The following CAST variants were observed in gnomAD, a reference collection of about 807,000 sequenced individuals.
CAST encodes the protein MIR583 host.
CAST carries 76 observed loss-of-function variants against 119.6 expected under a neutral mutation model. That is an observed-to-expected ratio of 0.64 (90% CI 0.53 to 0.77). The LOEUF (loss-of-function observed/expected upper bound fraction) is 0.77. Among genes scored for constraint, CAST ranks in the 30% least tolerant of loss-of-function variants. The pLI, the probability that CAST is intolerant of heterozygous loss-of-function variation, is 0.00. For synonymous variants in CAST, 319 were observed against 331.6 expected (o/e 0.96, Z 0.41); for missense variants, 953 against 946.5 (o/e 1.01, Z -0.09).
intron 15 of CAST, 23 bp downstream of exon 15, chr5:96,741,603 A>G (rs376948795): frequency 3.3e-6 from 5 of 1,534,126 alleles, no homozygotes; most frequent in African/African-American, 1.4e-5. Flanking sequence ...TCTACCTGAC[A>G]GCAGTTGCTT....
chr5:96,079,759 T>C, the CAST span, among the ~76,000 whole-genome samples: 6 of 152,208 alleles, frequency 3.9e-5, no homozygotes, highest in African/African-American at 1.4e-4. Flanking sequence ...TATATACATC[T>C]TGGTTATTAT....
chr5:96,456,709 G>C, the CAST span, among the ~76,000 whole-genome samples: 1 of 152,176 alleles, frequency 6.6e-6, no homozygotes, highest in African/African-American at 2.4e-5. Flanking sequence ...TCTCATGAGG[G>C]ATCTAGAGAG....
At chr5:95,969,099 T>C in the CAST span, among the ~76,000 whole-genome samples, 1 of 152,094 alleles carries the variant, frequency 6.6e-6, no homozygotes, top group Non-Finnish European at 1.5e-5. Flanking sequence ...TATCATACGG[T>C]GTTTTGGGGG....
chr5:96,334,183 A>C, the CAST span, among the ~76,000 whole-genome samples: 1 of 152,136 alleles, frequency 6.6e-6, no homozygotes, highest in African/African-American at 2.4e-5. Context: ...CTCCCTCCAG[A>C]GTGTGGCAAG....
chr5:96,466,219 T>C, the CAST span, among the ~76,000 whole-genome samples: 797 of 152,244 alleles, frequency 5.2e-3, 7 homozygotes, highest in African/African-American at 0.018. Flanking sequence ...CAAAGTTACT[T>C]AGCTTTGTCC....
intron 1 of CAST, among the ~76,000 whole-genome samples, chr5:96,548,320 C>T (rs890408879): frequency 1.3e-5 from 2 of 152,144 alleles, no homozygotes; most frequent in Non-Finnish European, 2.9e-5. Context: ...CTATGATTCT[C>T]CACTGTGGTA....
At chr5:96,081,107 C>G in the CAST span, among the ~76,000 whole-genome samples, 1 of 152,292 alleles carries the variant, frequency 6.6e-6, no homozygotes, top group African/African-American at 2.4e-5. Flanking sequence ...CTTCCATGCT[C>G]CAGAGGACAG....
At chr5:96,353,173 C>T in the CAST span, among the ~76,000 whole-genome samples, 2 of 151,840 alleles carry the variant, frequency 1.3e-5, no homozygotes, top group Non-Finnish European at 1.5e-5. Flanking sequence ...TAAACAAAAA[C>T]CAAGACTTAC....
chr5:96,524,047 C>A (rs1476056526), upstream of CAST, among the ~76,000 whole-genome samples: 2 of 152,188 alleles, frequency 1.3e-5, no homozygotes, highest in African/African-American at 4.8e-5. Context: ...ATACAGGTTT[C>A]TTTTGTCCTG....
chr5:96,048,835 G>A, the CAST span, among the ~76,000 whole-genome samples: 29 of 152,238 alleles, frequency 1.9e-4, no homozygotes, highest in African/African-American at 6.3e-4. Flanking sequence ...GCAATAAGAC[G>A]TAGTTCCCAA....
intron 1 of CAST, chr5:96,529,907 A>G: frequency 2.8e-6 from 1 of 361,150 alleles, no homozygotes; most frequent in Non-Finnish European, 5.5e-6. Context: ...TCTCTTATTT[A>G]TAAATTACCC....
intron 1 of CAST, among the ~76,000 whole-genome samples, chr5:96,628,866 C>CA (rs1554071735): frequency 7.2e-5 from 11 of 152,024 alleles, no homozygotes; most frequent in Admixed American, 2.6e-4. Context: ...ACATGAGGGG[C>CA]GGGGGGTCAT....
chr5:96,173,898 C>A, the CAST span, among the ~76,000 whole-genome samples: 3,810 of 151,882 alleles, frequency 0.025, 173 homozygotes, highest in African/African-American at 0.087. Flanking sequence ...CCCGCCACCA[C>A]GCCCGGCTAA....
In CAST at chr5:96,737,831, C is replaced by G. The variant is rs780224377; in HGVS notation, c.700-18C>G. On this transcript the variant is annotated intron_variant, in intron 10 of 31. Transcript: ENST00000675179. The stretch of plus-strand genomic sequence containing the variant: ...TGTATAACAAATAACATTTAAATAT[C>G]TGTTCTTTCTTTTCCAGTCAGGCAT... 1 of 1,331,312 alleles carries G rather than the reference C, an allele frequency of 7.5e-7. No individual in the cohort carries two copies. The highest frequency in any genetic ancestry group is 1.1e-6 in the Non-Finnish European group (1 of 933,810). The allele number at this position is 1,331,312 out of a possible 1,614,324, so 82.5% of individuals were successfully genotyped here. A position where few individuals can be genotyped will look rare whatever the true frequency, so the allele number is the denominator to read the frequency against.
chr5:96,016,011 A>G, the CAST span, among the ~76,000 whole-genome samples: 1 of 152,112 alleles, frequency 6.6e-6, no homozygotes, highest in Non-Finnish European at 1.5e-5. Flanking sequence ...GGCTTTATGT[A>G]AGGGAGATTA....
the CAST span, among the ~76,000 whole-genome samples, chr5:96,238,075 G>A: frequency 0.022 from 3,282 of 151,976 alleles, 55 homozygotes; most frequent in Non-Finnish European, 0.031. Flanking sequence ...TATTTTTTCA[G>A]ATGATCTTCA....
intron 1 of CAST, among the ~76,000 whole-genome samples, chr5:96,567,923 G>A (rs1477559882): frequency 2.6e-5 from 4 of 152,170 alleles, no homozygotes; most frequent in Non-Finnish European, 4.4e-5. Flanking sequence ...TGCTTTGTCA[G>A]AGCTTCAGAG....
chr5:96,267,875 T>A, the CAST span, among the ~76,000 whole-genome samples: 12 of 152,248 alleles, frequency 7.9e-5, no homozygotes, highest in Non-Finnish European at 1.5e-4. Flanking sequence ...TCTCAAGATA[T>A]AGGCAATATA....
At position 96,591,917 on chromosome 5, in the gene CAST, G is replaced by T. The variant is rs1443517146; in HGVS notation, c.60+62037G>T. Among the ~76,000 whole-genome samples the T allele has an allele frequency of 2.0e-5, 3 of 152,130 alleles. No homozygotes were observed. In the South Asian group the frequency reaches 6.2e-4, roughly 31 times the overall value. ...AGTTTGTATTGTAGCTCATAATAAA[G>T]AAGTCAATAGTTCAGTACAGGTGGG... On this transcript the variant is annotated intron_variant, in intron 1 of 11. Coordinates refer to the CAST transcript ENST00000505143.
Sources: gnomAD v4.1 joint callset for allele counts (sites outside exome capture counted in the v4.1 genomes callset) on GRCh38, gnomAD v4.1.1 for gene constraint, MANE v1.5 for transcripts, NCBI Gene and HGNC (gene_info 2026-07-23, HGNC 2026-07-21) for gene names.